HUNK: variants seen among roughly 807,000 people sequenced by gnomAD.
HUNK encodes the protein hormonally up-regulated Neu-associated kinase, also known as hormonally up-regulated neu tumor-associated kinase.
Under a neutral mutation model 61.0 loss-of-function variants are expected in HUNK, and 21 were observed. The ratio of observed to expected loss-of-function variants is 0.34; its 90% CI spans 0.24 to 0.50. The LOEUF is 0.50. Among genes scored for constraint, HUNK ranks in the 20% least tolerant of loss-of-function variants. The pLI, the probability that HUNK is intolerant of heterozygous loss-of-function variation, is 0.98. For synonymous variants in HUNK, 371 were observed against 386.1 expected (o/e 0.96, Z 0.46); for missense variants, 772 against 945.7 (o/e 0.82, Z 2.41).
At chr21:31,887,761 C>T (rs931955943) in intron 1 of HUNK, among the ~76,000 whole-genome samples, 3 of 152,158 alleles carry the variant, frequency 2.0e-5, no homozygotes, top group Non-Finnish European at 2.9e-5. Context: ...ATGTTGTAAC[C>T]GCCTTCGGGG....
chr21:31,990,552 T>TATTTATTC (rs2053165426), intron 9 of HUNK, among the ~76,000 whole-genome samples: 1 of 151,640 alleles, frequency 6.6e-6, no homozygotes, highest in Non-Finnish European at 1.5e-5. Flanking sequence ...TTTATTTATT[T>TATTTATTC]ATTTATTGAG....
At chr21:31,912,363 C>G (rs1829381951) in intron 1 of HUNK, among the ~76,000 whole-genome samples, 1 of 152,132 alleles carries the variant, frequency 6.6e-6, no homozygotes, top group Admixed American at 6.5e-5. Flanking sequence ...GCCAAAAGGG[C>G]TGATCCCAGC....
intron 1 of HUNK, among the ~76,000 whole-genome samples, chr21:31,883,339 C>T (rs2052322917): frequency 1.3e-5 from 2 of 152,032 alleles, no homozygotes; most frequent in African/African-American, 4.8e-5. Context: ...GTGTATTAAA[C>T]ATGGTATCTT....
At chr21:31,950,599 C>T (rs909494980) in intron 4 of HUNK, among the ~76,000 whole-genome samples, 6 of 152,198 alleles carry the variant, frequency 3.9e-5, no homozygotes, top group African/African-American at 1.4e-4. Flanking sequence ...GAATTTCCTA[C>T]TGCTTTGGGG....
At chr21:31,944,313 A>G (rs1168075739) in intron 3 of HUNK, among the ~76,000 whole-genome samples, 1 of 152,232 alleles carries the variant, frequency 6.6e-6, no homozygotes, top group African/African-American at 2.4e-5. Flanking sequence ...TATTGGCCTC[A>G]GGTGATCTGC....
At chr21:31,940,068 G>A (rs7280058) in intron 2 of HUNK, 97 bp from the exon 3 acceptor site, 110,379 of 887,678 alleles carry the variant, frequency 0.12, 9,917 homozygotes, top group African/African-American at 0.4. Flanking sequence ...TTGGTTAGAA[G>A]TGGCTCTAAA....
intron 5 of HUNK, among the ~76,000 whole-genome samples, chr21:31,961,755 G>A (rs1377575166): frequency 1.3e-5 from 2 of 152,166 alleles, no homozygotes; most frequent in East Asian, 3.9e-4. Flanking sequence ...TTATTCAAGT[G>A]ACCCATAACA....
chr21:31,943,812 C>T (rs566934023), intron 3 of HUNK, among the ~76,000 whole-genome samples: 1 of 152,160 alleles, frequency 6.6e-6, no homozygotes, highest in East Asian at 1.9e-4. Context: ...GTGAACAGAT[C>T]GAGGCAGCCC....
At chr21:31,968,959 A>G (rs1192857092) in intron 6 of HUNK, among the ~76,000 whole-genome samples, 7 of 151,038 alleles carry the variant, frequency 4.6e-5, no homozygotes, top group Non-Finnish European at 7.4e-5. Flanking sequence ...GATCACTGCA[A>G]CCTCTGCCTC....
At chr21:31,958,757 C>T in intron 4 of HUNK, 86 bp from the exon 5 acceptor site, 1 of 1,300,694 alleles carries the variant, frequency 7.7e-7, no homozygotes, top group Non-Finnish European at 1.0e-6. Flanking sequence ...AGCAGCAGCT[C>T]CCACGCTTCG....
intron 6 of HUNK, among the ~76,000 whole-genome samples, chr21:31,969,130 G>A (rs1226112283): frequency 6.6e-6 from 1 of 151,880 alleles, no homozygotes; most frequent in African/African-American, 2.4e-5. Flanking sequence ...GCCTGCCTTG[G>A]CCTCCCAAAG....
chr21:31,876,247 T>C lies in HUNK; in HGVS notation c.261+2312T>C, dbSNP rs1376042984. On this transcript the variant is annotated intron_variant, in intron 1 of 10. Coordinates refer to ENST00000270112, the MANE Select transcript of HUNK (RefSeq NM_014586.2). ...GGTGGAGAAGGAGGCAGGGGAGAGA[T>C]GTCTGTGTTGAAAAACTTGGTTTTC... Among the ~76,000 whole-genome samples the C allele has an allele frequency of 3.3e-5, 5 of 152,188 alleles. No homozygotes were observed. In the East Asian group the frequency reaches 9.7e-4, roughly 29 times the overall value.
chr21:31,960,605 A>G (rs965405688), intron 5 of HUNK, among the ~76,000 whole-genome samples: 5 of 151,084 alleles, frequency 3.3e-5, no homozygotes, highest in African/African-American at 9.9e-5. Context: ...GGGAGGCCTC[A>G]TAATCATGGT....
intron 6 of HUNK, among the ~76,000 whole-genome samples, chr21:31,970,352 A>C (rs573971875): frequency 6.6e-6 from 1 of 152,302 alleles, no homozygotes; most frequent in South Asian, 2.1e-4. Context: ...TGCCATCTAG[A>C]ATTCTAGCAT....
At chr21:31,979,515 CTTTTTTTTTTTT>C (rs71193166) in intron 7 of HUNK, among the ~76,000 whole-genome samples, 984 of 34,352 alleles carry the variant, frequency 0.029, 15 homozygotes, top group East Asian at 0.18. Flanking sequence ...TGTTTGCATT[CTTTTTTTTTTTT>C]TTTTTTTTTT....
At chr21:31,932,653 C>T (rs2052706141) in intron 2 of HUNK, among the ~76,000 whole-genome samples, 2 of 152,156 alleles carry the variant, frequency 1.3e-5, no homozygotes, top group South Asian at 4.1e-4. Flanking sequence ...AACATCTGGT[C>T]TGTCTGCTGT....
At chr21:31,926,744 G>T (rs889817252) in intron 2 of HUNK, among the ~76,000 whole-genome samples, 1 of 152,074 alleles carries the variant, frequency 6.6e-6, no homozygotes, top group Non-Finnish European at 1.5e-5. Flanking sequence ...ATCCATTTGA[G>T]TTGTTCCCAC....
intron 5 of HUNK, 121 bp from the exon 6 acceptor site, chr21:31,968,129 A>G (rs1259489378): frequency 8.4e-7 from 1 of 1,185,724 alleles, no homozygotes. Flanking sequence ...TAGAGAAGAG[A>G]TCACCCCAGC....
chr21:31,991,400 G>A (rs2123253890), intron 9 of HUNK, among the ~76,000 whole-genome samples: 1 of 152,218 alleles, frequency 6.6e-6, no homozygotes, highest in South Asian at 2.1e-4. Flanking sequence ...TGTATTTTTA[G>A]TAGAGACAGG....
Sources: gnomAD v4.1 joint callset for allele counts (sites outside exome capture counted in the v4.1 genomes callset) on GRCh38, gnomAD v4.1.1 for gene constraint, MANE v1.5 for transcripts, NCBI Gene and HGNC (gene_info 2026-07-23, HGNC 2026-07-21) for gene names.